The following EIPR1 variants were observed in gnomAD, a reference collection of about 807,000 sequenced individuals.
The protein encoded by EIPR1 is EARP and GARP complex-interacting protein 1.
Under a neutral mutation model 48.1 loss-of-function variants are expected in EIPR1, and 25 were observed. The observed-to-expected ratio is 0.52, with a 90% confidence interval of 0.38 to 0.73. The LOEUF is 0.73. Ranked by LOEUF, EIPR1 falls within the 30% of genes least tolerant of loss-of-function variation. The probability of loss-of-function intolerance (pLI) is 0.00; values close to 1 mark genes in which losing one functional copy is unlikely to be tolerated. For synonymous variants in EIPR1, 204 were observed against 201.9 expected, an observed-to-expected ratio of 1.01 and a Z score of -0.09; for missense variants, 415 against 506.2, an observed-to-expected ratio of 0.82 and a Z score of 1.73.
intron 2 of EIPR1, chr2:3,353,351 G>A (rs1465400968): frequency 2.1e-6 from 1 of 468,986 alleles, no homozygotes; most frequent in Non-Finnish European, 4.4e-6. Flanking sequence ...TGTGCACTTT[G>A]CTTTTTTACA....
chr2:3,335,818 A>G (rs1670025516), intron 3 of EIPR1, among the ~76,000 whole-genome samples: 1 of 151,812 alleles, frequency 6.6e-6, no homozygotes, highest in Non-Finnish European at 1.5e-5. Flanking sequence ...GTCACCCCCC[A>G]CTGTGATTGT....
At chr2:3,318,892 G>A (rs1398960551) in intron 3 of EIPR1, 5 of 471,360 alleles carry the variant, frequency 1.1e-5, no homozygotes, top group Admixed American at 2.3e-5. Flanking sequence ...CTGGTGCAAC[G>A]TGTTTACAAA....
intron 3 of EIPR1, among the ~76,000 whole-genome samples, chr2:3,310,888 TAAAC>T (rs1253188146): frequency 1.3e-5 from 2 of 152,058 alleles, no homozygotes; most frequent in Non-Finnish European, 1.5e-5. Context: ...TTTTTTCAAA[TAAAC>T]AAATTAGCCC....
chr2:3,216,737 A>C (rs1665651713), intron 4 of EIPR1, among the ~76,000 whole-genome samples: 1 of 152,250 alleles, frequency 6.6e-6, no homozygotes, highest in Non-Finnish European at 1.5e-5. Context: ...TATGTTCCCC[A>C]CAATGACTGG....
intron 3 of EIPR1, among the ~76,000 whole-genome samples, chr2:3,295,431 GCACA>G (rs1491372455): frequency 5.8e-5 from 1 of 17,108 alleles, no homozygotes; most frequent in African/African-American, 2.5e-4. Flanking sequence ...CATCCTCTCT[GCACA>G]CACACACCCT....
At chr2:3,299,298 C>T (rs80035631) in intron 3 of EIPR1, among the ~76,000 whole-genome samples, 38 of 150,790 alleles carry the variant, frequency 2.5e-4, no homozygotes, top group Non-Finnish European at 4.0e-4. Flanking sequence ...CCCGTCCTGC[C>T]GTGCTCGGCC....
intron 4 of EIPR1, among the ~76,000 whole-genome samples, chr2:3,238,637 T>A (rs78914318): frequency 4.5e-4 from 69 of 152,290 alleles, no homozygotes; most frequent in Non-Finnish European, 8.2e-4. Context: ...GCGTCCAATG[T>A]GGAAAATTAA....
chr2:3,357,614 C>T (rs1015909793), intron 1 of EIPR1, among the ~76,000 whole-genome samples: 6 of 152,198 alleles, frequency 3.9e-5, no homozygotes, highest in Non-Finnish European at 8.8e-5. Context: ...CAGCCTGTAA[C>T]CCATCCAGCT....
At chr2:3,195,761 C>A (rs1664781554) in intron 6 of EIPR1, among the ~76,000 whole-genome samples, 1 of 152,142 alleles carries the variant, frequency 6.6e-6, no homozygotes, top group African/African-American at 2.4e-5. Flanking sequence ...CCATGCAAAC[C>A]AAAGCTGCTT....
rs183248764 is a variant in EIPR1 at position 3,305,076 on chromosome 2, G to A, written c.259+32941C>T. Among the ~76,000 whole-genome samples, 8 of 124,936 alleles carry A rather than the reference G, an allele frequency of 6.4e-5. No homozygotes were observed. In the East Asian group the frequency reaches 1.8e-3, roughly 28 times the overall value. The allele number at this position is 124,936 out of a possible 152,430, so 82.0% of individuals were successfully genotyped here. A position where few individuals can be genotyped will look rare whatever the true frequency, so the allele number is the denominator to read the frequency against. On this transcript the variant is annotated intron_variant, in intron 3 of 8. Transcript: ENST00000382125. ...CAGTTCAACCCTCCACTCCCGTCCA[G>A]TTCAACCCTCCACTCCCAACCAGTT...
chr2:3,231,966 G>A lies in EIPR1; in HGVS notation c.417-17718C>T, dbSNP rs137982839. Among the ~76,000 whole-genome samples, 1,120 of 152,120 alleles carry A rather than the reference G, an allele frequency of 7.4e-3. 13 individuals are homozygous for A. The highest frequency in any genetic ancestry group is 0.026 in the African/African-American group (1,082 of 41,510). ...TCAGCAGTGAAGTCATCAGGTCCTG[G>A]GCTTTTCTTTGTTGGGAGATTTTTG... On this transcript the variant is annotated intron_variant, in intron 4 of 8. Transcript: ENST00000382125.
rs115486790 is a variant in EIPR1 at position 3,333,653 on chromosome 2, A to G, written c.259+4364T>C. On this transcript the variant is annotated intron_variant, in intron 3 of 8. Coordinates refer to ENST00000382125, the MANE Select transcript of EIPR1 (RefSeq NM_003310.5). ...CTAGTTGAGAGACTGAGATGGGAGG[A>G]TTGCTTGAGCCTGGGAGGTGGAGGT... 1.9e-3 allele frequency among the ~76,000 whole-genome samples: 289 copies of G among 149,670 alleles called. 1 individual carries two copies. Among genetic ancestry groups the G allele is most frequent in the African/African-American group, 6.8e-3 (275 of 40,724 alleles).
rs764941167 is a variant in EIPR1 at position 3,189,478 on chromosome 2, G to A, written c.1020C>T (p.Ile340=). 1.5e-5 allele frequency: 23 copies of A among 1,571,256 alleles called. No individual in the cohort carries two copies. The highest frequency in any genetic ancestry group is 4.6e-5 in the East Asian group (2 of 43,610). Residue 340 remains isoleucine, a synonymous_variant, in exon 9 of 9, where the codon ATC becomes ATT. Coordinates refer to ENST00000382125, the MANE Select transcript of EIPR1 (RefSeq NM_003310.5). This position sits in a 1 kb window ranked among gnomAD's most constrained non-coding sequence, Gnocchi z 4.6. ...TGTCCTCGTGCTCCTCGTAGGTGGC[G>A]ATCACGTTGTCCTGCAGGGGCTCCT... is the stretch of plus-strand genomic sequence containing the variant. The part of the protein sequence containing the change: ...KSKEPLQDNV[I]ATYEEHEDSV...
chr2:3,253,716 CT>C (rs1667071841), intron 4 of EIPR1, among the ~76,000 whole-genome samples: 1 of 152,222 alleles, frequency 6.6e-6, no homozygotes, highest in African/African-American at 2.4e-5. Flanking sequence ...AAGTTCCTTC[CT>C]TAGCCTTCGC....
chr2:3,254,301 C>T (rs565063493), intron 4 of EIPR1, among the ~76,000 whole-genome samples: 3 of 152,312 alleles, frequency 2.0e-5, no homozygotes, highest in South Asian at 2.1e-4. Flanking sequence ...TGGCATCACA[C>T]GTGCAGCAGC....
intron 1 of EIPR1, among the ~76,000 whole-genome samples, chr2:3,359,438 A>T (rs923842187): frequency 6.6e-6 from 1 of 152,300 alleles, no homozygotes; most frequent in East Asian, 1.9e-4. Context: ...GTCTAAATAG[A>T]TCATCTGTTT....
chr2:3,231,068 T>C (rs1298724490), intron 4 of EIPR1, among the ~76,000 whole-genome samples: 1 of 152,212 alleles, frequency 6.6e-6, no homozygotes, highest in African/African-American at 2.4e-5. Context: ...TTCACTGCCT[T>C]GGTAAAAGTT....
In EIPR1 at chr2:3,196,962, C is replaced by A; in HGVS notation, c.572G>T (p.Arg191Leu). ...GKGQLKFTSG[R>L]WSPHHNCTQV... ...GGTGCAGTTATGATGTGGGCTCCAC[C>A]GTCCTGAGGTGAACTTCAGTTGTCC... is the stretch of plus-strand genomic sequence containing the variant. Residue 191 changes from arginine (R) to leucine (L), a missense_variant, in exon 6 of 9, where the codon CGG becomes CTG. Physicochemically the swap from Arg to Leu is moderately radical, Grantham distance 102 (BLOSUM62 -2). Coordinates refer to ENST00000382125, the MANE Select transcript of EIPR1 (RefSeq NM_003310.5). 3.7e-6 allele frequency: 6 copies of A among 1,613,970 alleles called. No homozygotes were observed. The highest frequency in any genetic ancestry group is 5.1e-6 in the Non-Finnish European group (6 of 1,180,050).
rs369273375 is a variant in EIPR1, at chr2:3,343,942, T to C, written c.127-5793A>G. On this transcript the variant is annotated intron_variant, in intron 2 of 8. Transcript: ENST00000382125. ...AAGGGCCAGGCACGGTGGCTCACAC[T>C]TGTGATCCCAGCACTTTGCAGCGCT... Among the ~76,000 whole-genome samples, 567 of 152,182 alleles carry C rather than the reference T, an allele frequency of 3.7e-3. 4 individuals carry two copies. Among genetic ancestry groups the C allele is most frequent in the African/African-American group, 0.013 (546 of 41,512 alleles).
Sources: allele counts gnomAD v4.1 joint callset (sites outside exome capture counted in the v4.1 genomes callset), GRCh38; gene constraint gnomAD v4.1.1; non-coding constraint Gnocchi (gnomAD v3.1); transcripts MANE v1.5; gene names NCBI Gene and HGNC (gene_info 2026-07-23, HGNC 2026-07-21).